The following MYO5B variants were observed in gnomAD, a reference collection of about 807,000 sequenced individuals.
The protein encoded by MYO5B is myosin VB.
In MYO5B, 143 loss-of-function variants were observed where a neutral mutation model predicts 229.3. The ratio of observed to expected loss-of-function variants is 0.62; its 90% CI spans 0.54 to 0.72. The LOEUF is 0.72. MYO5B is among the 30% of genes least tolerant of loss of function. The probability of loss-of-function intolerance (pLI) is 0.00; values close to 1 mark genes in which losing one functional copy is unlikely to be tolerated. For missense variants in MYO5B, 2,321 were observed against 2,331.0 expected (o/e 1.00, Z 0.09); for synonymous variants, 918 against 885.2 (o/e 1.04, Z -0.66).
intron 1 of MYO5B, among the ~76,000 whole-genome samples, chr18:50,107,109 CTTTTTTTTTTTTTTTT>C (rs71169479): frequency 1.8e-5 from 1 of 56,648 alleles, no homozygotes; most frequent in South Asian, 9.0e-4. Flanking sequence ...CTTAGGGTGC[CTTTTTTTTTTTTTTTT>C]TTTTTTTTTT....
At chr18:50,149,008 A>G (rs1175587865) in intron 1 of MYO5B, among the ~76,000 whole-genome samples, 1 of 150,778 alleles carries the variant, frequency 6.6e-6, no homozygotes, top group African/African-American at 2.4e-5. Context: ...AAATCAATGT[A>G]CAAAAATCAC....
intron 27 of MYO5B, among the ~76,000 whole-genome samples, chr18:49,866,278 T>G (rs1161917288): frequency 6.6e-6 from 1 of 151,418 alleles, no homozygotes; most frequent in Non-Finnish European, 1.5e-5. Flanking sequence ...ACCATGTTAG[T>G]CAGGATGGTC....
intron 4 of MYO5B, among the ~76,000 whole-genome samples, chr18:50,005,428 T>C (rs2026090761): frequency 6.6e-6 from 1 of 152,198 alleles, no homozygotes; most frequent in Non-Finnish European, 1.5e-5. Context: ...TTTTGTTTTT[T>C]GATACAGGAT....
At chr18:49,844,564 T>C (rs12953562) in intron 33 of MYO5B, among the ~76,000 whole-genome samples, 16,556 of 152,262 alleles carry the variant, frequency 0.11, 1,184 homozygotes, top group Non-Finnish European at 0.16. Context: ...TTGGGTTACA[T>C]TGTCCCTGCT....
intron 1 of MYO5B, among the ~76,000 whole-genome samples, chr18:50,190,384 C>T (rs1431549270): frequency 6.6e-6 from 1 of 152,190 alleles, no homozygotes; most frequent in Non-Finnish European, 1.5e-5. Flanking sequence ...TCACACTGAC[C>T]ACATGCATGC....
chr18:49,875,912 A>G, intron 25 of MYO5B, 85 bp from the exon 26 acceptor site: 1 of 1,471,262 alleles, frequency 6.8e-7, no homozygotes. Flanking sequence ...CTCCCTCTAT[A>G]TCAGCCATCT....
intron 1 of MYO5B, among the ~76,000 whole-genome samples, chr18:50,158,235 C>T (rs1346741449): frequency 6.6e-6 from 1 of 152,136 alleles, no homozygotes; most frequent in African/African-American, 2.4e-5. Flanking sequence ...TAGTGTCTGG[C>T]TTCACAGATA....
chr18:50,041,533 T>C (rs916617358), intron 2 of MYO5B, among the ~76,000 whole-genome samples: 3 of 152,088 alleles, frequency 2.0e-5, no homozygotes, highest in Non-Finnish European at 4.4e-5. Flanking sequence ...TAATGTTAAA[T>C]TGCAAATAAA....
chr18:50,074,946 G>A (rs112821267), intron 1 of MYO5B, among the ~76,000 whole-genome samples: 21 of 151,880 alleles, frequency 1.4e-4, no homozygotes, highest in African/African-American at 3.9e-4. Context: ...TCAGCCTCCC[G>A]AGTATCTGGG....
rs1186922841 is a variant in MYO5B at position 49,902,882 on chromosome 18, G to A, written c.2572-49C>T. 14 of 1,590,822 alleles carry A rather than the reference G, an allele frequency of 8.8e-6. No individual in the cohort carries two copies. The East Asian group carries it at 2.0e-4, about 23-fold the overall frequency. On this transcript the variant is annotated intron_variant, in intron 20 of 39. Coordinates refer to ENST00000285039, the MANE Select transcript of MYO5B (RefSeq NM_001080467.3). ...TCTTGTGGGTTTGCACTGCAGGACAGGAGTGAAGGAAGCATACATCACTGC... is the reference window on the plus strand; with the variant it reads ...TCTTGTGGGTTTGCACTGCAGGACAAGAGTGAAGGAAGCATACATCACTGC...
intron 1 of MYO5B, chr18:50,064,107 A>G (rs1445430646): frequency 6.6e-6 from 1 of 152,270 alleles, no homozygotes; most frequent in Non-Finnish European, 1.5e-5. Context: ...GACTTCCCAC[A>G]ATCTACTTGG....
intron 1 of MYO5B, among the ~76,000 whole-genome samples, chr18:50,065,387 T>C (rs2030794441): frequency 6.6e-6 from 1 of 152,114 alleles, no homozygotes; most frequent in South Asian, 2.1e-4. Context: ...GAGGTTTCAT[T>C]CACTCAGTTC....
At chr18:49,870,430 AT>A (rs1190168953) in intron 27 of MYO5B, among the ~76,000 whole-genome samples, 4 of 152,224 alleles carry the variant, frequency 2.6e-5, no homozygotes, top group Non-Finnish European at 5.9e-5. Flanking sequence ...ATATAGACAA[AT>A]TGGACTTCAT....
chr18:49,923,737 C>CT (rs1248821415), intron 17 of MYO5B, among the ~76,000 whole-genome samples: 4 of 151,426 alleles, frequency 2.6e-5, no homozygotes. Flanking sequence ...CCTGTGTAGT[C>CT]TGTTGTTCTA....
chr18:49,973,496 G>A (rs1008707294), intron 10 of MYO5B, among the ~76,000 whole-genome samples: 3 of 152,324 alleles, frequency 2.0e-5, no homozygotes, highest in Middle Eastern at 3.4e-3. Flanking sequence ...AAGATGCCAT[G>A]ACTTCTATAA....
intron 1 of MYO5B, among the ~76,000 whole-genome samples, chr18:50,070,082 C>G (rs910307962): frequency 7.2e-6 from 1 of 139,160 alleles, no homozygotes; most frequent in East Asian, 2.1e-4. Context: ...AGTGCAGGGG[C>G]GTGATCTCGG....
At position 49,917,874 on chromosome 18, in the gene MYO5B, C is replaced by T. The variant is rs138097205; in HGVS notation, c.2091-5701G>A. On this transcript the variant is annotated intron_variant, in intron 17 of 39. Coordinates refer to ENST00000285039, the MANE Select transcript of MYO5B (RefSeq NM_001080467.3). ...CTCTAGCTTGCTGGGGAGCAGGCGC[C>T]CTGACAGGGTCAAGGAGTCACAACT... is the stretch of plus-strand genomic sequence containing the variant. Among the ~76,000 whole-genome samples, 67 of 152,270 alleles carry T rather than the reference C, an allele frequency of 4.4e-4. No homozygotes were observed. The East Asian group carries it at 0.013, about 29-fold the overall frequency.
intron 1 of MYO5B, among the ~76,000 whole-genome samples, chr18:50,147,107 G>A (rs1380686900): frequency 1.3e-5 from 2 of 152,096 alleles, no homozygotes; most frequent in African/African-American, 2.4e-5. Flanking sequence ...TTTCCAGCCT[G>A]GACTGCCTTC....
intron 14 of MYO5B, among the ~76,000 whole-genome samples, chr18:49,944,122 A>G (rs1287327682): frequency 6.6e-6 from 1 of 152,210 alleles, no homozygotes; most frequent in Non-Finnish European, 1.5e-5. Flanking sequence ...GGGTTAAAAT[A>G]ACAGGGGCTA....
Sources: allele counts gnomAD v4.1 joint callset (sites outside exome capture counted in the v4.1 genomes callset), GRCh38; gene constraint gnomAD v4.1.1; transcripts MANE v1.5; gene names NCBI Gene and HGNC (gene_info 2026-07-23, HGNC 2026-07-21).